FAF1: variants seen among roughly 807,000 people sequenced by gnomAD.
The protein encoded by FAF1 is Fas associated factor 1, also known as FAS-associated factor 1.
A neutral mutation model predicts 92.5 loss-of-function variants in FAF1; 25 were observed. The ratio of observed to expected loss-of-function variants is 0.27; its 90% CI spans 0.20 to 0.38. The LOEUF is 0.38. Among genes scored for constraint, FAF1 ranks in the 10% least tolerant of loss-of-function variants. The pLI, the probability that FAF1 is intolerant of heterozygous loss-of-function variation, is 1.00. For synonymous variants in FAF1, 234 were observed against 273.2 expected (o/e 0.86, Z 1.42); for missense variants, 636 against 793.3 (o/e 0.80, Z 2.38).
Position 50,944,545 on chromosome 1 carries a change from T to C in FAF1, c.45+15222A>G, listed in dbSNP as rs372326854. On this transcript the variant is annotated intron_variant, in intron 1 of 18. Coordinates refer to ENST00000396153, the MANE Select transcript of FAF1 (RefSeq NM_007051.3). ...CTTTTACTCACAACACCCAGACCTT[T>C]CATCTGGAAATGTCAGGCGCAAGAG... Among the ~76,000 whole-genome samples the C allele has an allele frequency of 9.5e-4, 144 of 152,178 alleles. 1 individual carries two copies. The South Asian group carries it at 0.015, about 16-fold the overall frequency.
chr1:50,939,952 C>G (rs1480329971), intron 1 of FAF1, among the ~76,000 whole-genome samples: 1 of 152,146 alleles, frequency 6.6e-6, no homozygotes, highest in African/African-American at 2.4e-5. Flanking sequence ...ACTCTGTCAT[C>G]CAGGCTGGAG....
intron 8 of FAF1, among the ~76,000 whole-genome samples, chr1:50,632,153 G>T (rs1175589829): frequency 6.6e-6 from 1 of 152,126 alleles, no homozygotes; most frequent in Non-Finnish European, 1.5e-5. Flanking sequence ...TAAGGGGTAC[G>T]ATGAACACTA....
At chr1:50,694,255 C>T (rs1275778952) in intron 7 of FAF1, among the ~76,000 whole-genome samples, 1 of 151,970 alleles carries the variant, frequency 6.6e-6, no homozygotes, top group Non-Finnish European at 1.5e-5. Context: ...TATAAACATA[C>T]CTCTTAGGAG....
intron 7 of FAF1, among the ~76,000 whole-genome samples, chr1:50,683,786 G>C (rs946078773): frequency 6.6e-6 from 1 of 151,882 alleles, no homozygotes; most frequent in South Asian, 2.1e-4. Flanking sequence ...TACAAAATTA[G>C]CCGGGTGTGG....
chr1:50,783,103 A>G (rs1661238572), intron 4 of FAF1, among the ~76,000 whole-genome samples: 1 of 152,206 alleles, frequency 6.6e-6, no homozygotes, highest in African/African-American at 2.4e-5. Flanking sequence ...AACAAATTAG[A>G]TAACATAGAA....
At chr1:50,627,033 G>A (rs529326994) in intron 8 of FAF1, among the ~76,000 whole-genome samples, 64 of 152,206 alleles carry the variant, frequency 4.2e-4, no homozygotes, top group African/African-American at 1.3e-3. Flanking sequence ...TCAGGCATGC[G>A]CAGGGAATAA....
intron 2 of FAF1, among the ~76,000 whole-genome samples, chr1:50,845,041 T>A (rs1184765150): frequency 2.0e-5 from 3 of 152,188 alleles, no homozygotes; most frequent in South Asian, 2.1e-4. Context: ...CTATCTGTCA[T>A]CCAATATCTC....
At chr1:50,763,486 G>A (rs948049687) in intron 4 of FAF1, among the ~76,000 whole-genome samples, 2 of 151,930 alleles carry the variant, frequency 1.3e-5, no homozygotes, top group Admixed American at 6.6e-5. Flanking sequence ...TGAGTTATTC[G>A]TTAAAATTTC....
At chr1:50,582,363 A>C (rs1423764929) in intron 12 of FAF1, 1 of 386,968 alleles carries the variant, frequency 2.6e-6, no homozygotes, top group Non-Finnish European at 4.7e-6. Flanking sequence ...ATGAACCAGA[A>C]ACAAATAAAG....
At chr1:50,896,733 A>G (rs1644760344) in intron 1 of FAF1, among the ~76,000 whole-genome samples, 1 of 152,250 alleles carries the variant, frequency 6.6e-6, no homozygotes, top group South Asian at 2.1e-4. Context: ...TACCTAAAGT[A>G]GTAAAACTCT....
chr1:50,816,047 T>A (rs947099101), intron 2 of FAF1, among the ~76,000 whole-genome samples: 46 of 151,776 alleles, frequency 3.0e-4, no homozygotes, highest in Middle Eastern at 6.8e-3. Context: ...AAAAAAATTT[T>A]AAAAAAGCCA....
chr1:50,824,955 T>C (rs1274868427), intron 2 of FAF1, among the ~76,000 whole-genome samples: 1 of 151,630 alleles, frequency 6.6e-6, no homozygotes, highest in Non-Finnish European at 1.5e-5. Context: ...TTGGGAAGGG[T>C]AGGAGAAAGG....
chr1:50,775,795 A>G (rs1660936140), intron 4 of FAF1, among the ~76,000 whole-genome samples: 1 of 152,210 alleles, frequency 6.6e-6, no homozygotes, highest in South Asian at 2.1e-4. Context: ...ATGTGATAGA[A>G]TTCACAAAAC....
Position 50,887,932 on chromosome 1 carries a change from G to C in FAF1, c.46-29935C>G, listed in dbSNP as rs193229667. Among the ~76,000 whole-genome samples the C allele has an allele frequency of 2.3e-4, 35 of 152,318 alleles. 1 individual carries two copies. The East Asian group carries it at 5.2e-3, about 23-fold the overall frequency. ...CTGTGAAGAAAGTCATTGGTAGCTT[G>C]ATGGGGATGGCATTGAATCTATGAA... On this transcript the variant is annotated intron_variant, in intron 1 of 18. Coordinates refer to ENST00000396153, the MANE Select transcript of FAF1 (RefSeq NM_007051.3).
intron 7 of FAF1, among the ~76,000 whole-genome samples, chr1:50,700,151 C>CTT (rs796428591): frequency 3.4e-5 from 5 of 147,638 alleles, no homozygotes; most frequent in African/African-American, 1.2e-4. Context: ...TCATACCCCC[C>CTT]TTTTTTTTTT....
intron 1 of FAF1, among the ~76,000 whole-genome samples, chr1:50,909,798 A>C (rs1030135333): frequency 1.3e-5 from 2 of 152,092 alleles, no homozygotes; most frequent in African/African-American, 4.8e-5. Flanking sequence ...CAAGGTTTTT[A>C]GCTTCTTTGC....
chr1:50,807,434 GAC>G (rs941624226), intron 2 of FAF1, among the ~76,000 whole-genome samples: 4 of 152,224 alleles, frequency 2.6e-5, no homozygotes, highest in African/African-American at 9.6e-5. Context: ...CAGCAGGAGA[GAC>G]AGAGAGACTC....
chr1:50,656,970 G>A lies in FAF1; in HGVS notation c.658-1442C>T, dbSNP rs12078334. ...TCACATCTGTAATCCCAGAATTTTA[G>A]GAGGTCAAGGTACAAGGATCACTTG... On this transcript the variant is annotated intron_variant, in intron 7 of 18. Transcript: ENST00000396153. Among the ~76,000 whole-genome samples the A allele has an allele frequency of 5.3e-3, 809 of 152,244 alleles. 9 individuals are homozygous for A. The highest frequency in any genetic ancestry group is 0.019 in the African/African-American group (773 of 41,570).
intron 12 of FAF1, 183 bp downstream of exon 12, chr1:50,582,435 T>C (rs1437088255): frequency 4.0e-5 from 20 of 505,098 alleles, no homozygotes; most frequent in South Asian, 3.8e-4. Flanking sequence ...AATACTAAAA[T>C]TGGACTTATA....
Sources: allele counts gnomAD v4.1 joint callset (sites outside exome capture counted in the v4.1 genomes callset), GRCh38; gene constraint gnomAD v4.1.1; transcripts MANE v1.5; gene names NCBI Gene and HGNC (gene_info 2026-07-23, HGNC 2026-07-21).